ITGB2: variants seen among roughly 807,000 people sequenced by gnomAD.
The protein encoded by ITGB2 is integrin beta-2.
A neutral mutation model predicts 86.8 loss-of-function variants in ITGB2; 56 were observed. That is an observed-to-expected ratio of 0.65 (90% CI 0.52 to 0.81). The LOEUF (loss-of-function observed/expected upper bound fraction) is 0.81, where lower values mean the gene tolerates loss of function less well. Among genes scored for constraint, ITGB2 ranks in the 30% least tolerant of loss-of-function variants. ITGB2 has a pLI of 0.00. For missense variants in ITGB2, 948 were observed against 1,061.2 expected (o/e 0.89, Z 1.48); for synonymous variants, 457 against 450.4 (o/e 1.01, Z -0.19).
intron 4 of ITGB2, among the ~76,000 whole-genome samples, chr21:44,906,026 T>TGTG (rs1265342040): frequency 1.3e-5 from 2 of 152,078 alleles, no homozygotes; most frequent in Admixed American, 1.3e-4. Flanking sequence ...CTGGCCTCAC[T>TGTG]GTGGCCTGGG....
At chr21:44,892,412 G>A (rs1285800268) in intron 10 of ITGB2, among the ~76,000 whole-genome samples, 1 of 152,184 alleles carries the variant, frequency 6.6e-6, no homozygotes, top group African/African-American at 2.4e-5. Context: ...CTGAGGGCAA[G>A]AGTTTGAGAC....
chr21:44,925,136 T>A (rs944342223), upstream of ITGB2, among the ~76,000 whole-genome samples: 7 of 134,252 alleles, frequency 5.2e-5, no homozygotes, highest in African/African-American at 2.2e-4. Context: ...ATAGTTTATA[T>A]CTTTTTTTTT....
At chr21:44,922,959 C>T (rs2084327833), upstream of ITGB2, 1 of 152,222 alleles carries the variant, frequency 6.6e-6, no homozygotes, top group Non-Finnish European at 1.5e-5. Flanking sequence ...GAATACCATT[C>T]TACTACACCC....
intron 3 of ITGB2, 104 bp downstream of exon 3, chr21:44,910,180 A>AGAAAATGGAGTTGTTGGTCCT: frequency 6.8e-7 from 1 of 1,466,028 alleles, no homozygotes; most frequent in Non-Finnish European, 9.2e-7. Flanking sequence ...CCCCTCAAAA[A>AGAAAATGGAGTTGTTGGTCCT]GAAAATGGAG....
chr21:44,896,975 T>C (rs1466813997), intron 8 of ITGB2, among the ~76,000 whole-genome samples: 1 of 152,158 alleles, frequency 6.6e-6, no homozygotes, highest in Admixed American at 6.5e-5. Context: ...CACCTACAGA[T>C]GGGACACAGG....
At chr21:44,919,196 T>C (rs2006271) in intron 1 of ITGB2, among the ~76,000 whole-genome samples, 81,911 of 151,876 alleles carry the variant, frequency 0.54, 24,236 homozygotes, top group African/African-American at 0.8. Flanking sequence ...GTGGGACATC[T>C]GTTCTGTGGC....
At position 44,920,029 on chromosome 21, in the gene ITGB2, C is replaced by T. The variant is rs35517302; in HGVS notation, c.-4+792G>A. ...GGGGAGGCCAGGGTCACCAGCTGAA[C>T]CAACTCGACCAGAATCGCACAGCGG... On this transcript the variant is annotated intron_variant, in intron 1 of 15. Transcript: ENST00000652462. Among the ~76,000 whole-genome samples the T allele has an allele frequency of 3.1e-3, 477 of 152,242 alleles. 13 individuals are homozygous for T. The East Asian group carries it at 0.073, about 23-fold the overall frequency.
intron 7 of ITGB2, among the ~76,000 whole-genome samples, chr21:44,899,676 C>T (rs149956088): frequency 6.6e-6 from 1 of 152,308 alleles, no homozygotes; most frequent in African/African-American, 2.4e-5. Flanking sequence ...AGGACAAGCC[C>T]CTTGTGACCA....
At chr21:44,913,153 C>T (rs1021712983) in intron 1 of ITGB2, among the ~76,000 whole-genome samples, 3 of 151,136 alleles carry the variant, frequency 2.0e-5, no homozygotes, top group East Asian at 2.0e-4. Context: ...AGGGTCCAGC[C>T]GGCTTCAGGA....
chr21:44,920,298 C>T lies in ITGB2; in HGVS notation c.-4+523G>A, dbSNP rs569793791. On this transcript the variant is annotated intron_variant, in intron 1 of 15. Coordinates refer to ENST00000652462, the MANE Select transcript of ITGB2 (RefSeq NM_000211.5). The stretch of plus-strand genomic sequence containing the variant: ...CGTGCACCATACATGCACACCATGC[C>T]ACACTACACACACGACACTACACAC... 2.0e-5 allele frequency among the ~76,000 whole-genome samples: 3 copies of T among 152,136 alleles called. No individual in the cohort carries two copies. In the South Asian group the frequency reaches 6.2e-4, roughly 32 times the overall value.
upstream of ITGB2, among the ~76,000 whole-genome samples, chr21:44,923,412 T>C (rs1342114032): frequency 6.6e-6 from 1 of 152,008 alleles, no homozygotes; most frequent in African/African-American, 2.4e-5. Flanking sequence ...TGTTGAAATA[T>C]TTGCAGATGG....
rs200448015 is a variant in ITGB2, at chr21:44,886,401, C to G, written c.2277G>C (p.Thr759=). 3.1e-6 allele frequency: 5 copies of G among 1,614,000 alleles called. No individual in the cohort carries two copies. Among genetic ancestry groups the G allele is most frequent in the Non-Finnish European group, 3.4e-6 (4 of 1,180,006 alleles). ...NDNPLFKSAT[T]TVMNPKFAES ...CAGCAAACTTGGGGTTCATGACCGT[C>G]GTGGTGGCGCTCTTGAAAAGGGGAT... Residue 759 remains threonine, a synonymous_variant, in exon 16 of 16, where the codon ACG becomes ACC. Coordinates refer to ENST00000652462, the MANE Select transcript of ITGB2 (RefSeq NM_000211.5).
rs771273483 is a variant in ITGB2, at chr21:44,893,400, T to C, written c.1224+4A>G. ...GGGATGGGGACCCTTGTGGCCAGGC[T>C]CACCGGGACATTGATCTGCACGCCA... On this transcript the variant is annotated splice_donor_region_variant and intron_variant, in intron 10 of 15. Transcript: ENST00000652462. 3.1e-6 allele frequency: 5 copies of C among 1,613,738 alleles called. No homozygotes were observed. The South Asian group carries it at 5.5e-5, about 18-fold the overall frequency.
intron 1 of ITGB2, among the ~76,000 whole-genome samples, chr21:44,911,749 G>A (rs33910938): frequency 0.17 from 25,361 of 152,160 alleles, 2,294 homozygotes; most frequent in African/African-American, 0.22. Flanking sequence ...ACAGGCCCTC[G>A]GCCCCAGAGG....
chr21:44,891,996 T>A lies in ITGB2; in HGVS notation c.1225A>T (p.Ile409Phe). The A allele has an allele frequency of 6.2e-7, 1 of 1,611,816 alleles. No individual in the cohort carries two copies. The highest frequency in any genetic ancestry group is 8.5e-7 in the Non-Finnish European group (1 of 1,179,816). The change falls in exon 11 of 16, where the codon ATC becomes TTC. Residue 409 changes from isoleucine to phenylalanine, a missense_variant and splice_region_variant. Coordinates refer to ENST00000652462, the MANE Select transcript of ITGB2 (RefSeq NM_000211.5). ...DCDGVQINVP[I>F]TFQVKVTATE... Reference sequence around the variant, plus strand: ...GCCGTGACCTTCACCTGGAAGGTGATCTGCAGGGCAGTGCTGGGCTCAGGT... The same window carrying A: ...GCCGTGACCTTCACCTGGAAGGTGAACTGCAGGGCAGTGCTGGGCTCAGGT...
Position 44,900,423 on chromosome 21 carries a change from T to C in ITGB2, c.794A>G (p.Asp265Gly). 6.2e-7 allele frequency: 1 copy of C among 1,614,002 alleles called. No individual in the cohort carries two copies. The highest frequency in any genetic ancestry group is 8.5e-7 in the Non-Finnish European group (1 of 1,179,920). ...CCCGTCGCCCGCGAAATGGAAGCCG[T>C]CATCAGTGGCAAACACCAGCAGCCG... is the stretch of plus-strand genomic sequence containing the variant. ...VTRLLVFATDDGFHFAGDGKL... is the reference protein window; with the variant it reads ...VTRLLVFATDGGFHFAGDGKL... Residue 265 changes from aspartate to glycine, a missense_variant, in exon 7 of 16, where the codon GAC becomes GGC. By Grantham distance (94) the Asp-to-Gly change is moderately conservative (BLOSUM62 -1). Transcript: ENST00000652462.
rs144324839 is a variant in ITGB2 at position 44,910,302 on chromosome 21, G to A, written c.129C>T (p.Cys43=). ...CRECIESGPG[C]TWCQKLNFTG... Reference sequence around the variant, plus strand: ...CACTTACCAGCTTCTGGCACCAGGTGCAGCCGGGCCCCGACTCGATGCATT... The same window carrying A: ...CACTTACCAGCTTCTGGCACCAGGTACAGCCGGGCCCCGACTCGATGCATT... The change falls in exon 3 of 16, where the codon TGC becomes TGT. Residue 43 remains cysteine (C), a synonymous_variant. Coordinates refer to ENST00000652462, the MANE Select transcript of ITGB2 (RefSeq NM_000211.5). 9.9e-6 allele frequency: 16 copies of A among 1,613,986 alleles called. No individual in the cohort carries two copies. In the African/African-American group the frequency reaches 2.1e-4, roughly 22 times the overall value.
intron 3 of ITGB2, among the ~76,000 whole-genome samples, chr21:44,907,623 C>G (rs1364368683): frequency 1.3e-5 from 2 of 152,362 alleles, no homozygotes; most frequent in East Asian, 3.9e-4. Context: ...CCACTTTGTC[C>G]CTGCAAATCC....
intron 3 of ITGB2, chr21:44,908,270 A>C (rs2084074810): frequency 1.7e-6 from 1 of 572,454 alleles, no homozygotes; most frequent in Non-Finnish European, 3.2e-6. Flanking sequence ...CTTCTTCTCC[A>C]CCCCCTCCCC....
Sources: gnomAD v4.1 joint callset for allele counts (sites outside exome capture counted in the v4.1 genomes callset) on GRCh38, gnomAD v4.1.1 for gene constraint, MANE v1.5 for transcripts, NCBI Gene and HGNC (gene_info 2026-07-23, HGNC 2026-07-21) for gene names.